CNTN1: variants seen among roughly 807,000 people sequenced by gnomAD.
CNTN1 encodes the protein contactin 1.
In CNTN1, 38 loss-of-function variants were observed where a neutral mutation model predicts 126.4. The ratio of observed to expected loss-of-function variants is 0.30; its 90% CI spans 0.23 to 0.39. CNTN1 has a LOEUF of 0.39. CNTN1 is among the 10% of genes least tolerant of loss of function. CNTN1 has a pLI of 1.00. For synonymous variants in CNTN1, 413 were observed against 422.6 expected, an observed-to-expected ratio of 0.98 and a Z score of 0.28; for missense variants, 1,009 against 1,248.4, an observed-to-expected ratio of 0.81 and a Z score of 2.89.
intron 17 of CNTN1, among the ~76,000 whole-genome samples, chr12:41,002,395 G>A (rs1048212255): frequency 6.6e-6 from 1 of 151,954 alleles, no homozygotes; most frequent in Admixed American, 6.6e-5. Context: ...TCTTTTTGTG[G>A]AAATTATAAA....
chr12:40,869,077 T>C (rs965283398), intron 1 of CNTN1, among the ~76,000 whole-genome samples: 9 of 151,928 alleles, frequency 5.9e-5, no homozygotes, highest in Non-Finnish European at 1.2e-4. Context: ...TTCTATTAAT[T>C]TTGAATAAAA....
In CNTN1 at chr12:41,025,269, C is replaced by T. The variant is rs780080017; in HGVS notation, c.2643C>T (p.Val881=). 9 of 1,613,850 alleles carry T rather than the reference C, an allele frequency of 5.6e-6. 1 individual carries two copies. The South Asian group carries it at 7.7e-5, about 14-fold the overall frequency. ...LLPDTQYFIE[V]GACNSAGCGP... ...CAGACACCCAGTATTTTATAGAAGT[C>T]GGGGCCTGCAATAGTGCAGGGTGTG... The change falls in exon 21 of 24, where the codon GTC becomes GTT. Residue 881 remains valine (V), a synonymous_variant. Transcript: ENST00000551295.
chr12:40,861,143 C>T (rs982378260), intron 1 of CNTN1, among the ~76,000 whole-genome samples: 3 of 151,992 alleles, frequency 2.0e-5, no homozygotes, highest in Non-Finnish European at 4.4e-5. Context: ...TTAATTGAAG[C>T]CTATTTGCTA....
intron 1 of CNTN1, among the ~76,000 whole-genome samples, chr12:40,825,149 T>C (rs73118729): frequency 0.018 from 2,763 of 152,256 alleles, 77 homozygotes; most frequent in African/African-American, 0.063. Context: ...GAATGGGCTA[T>C]GTTAGAGAGT....
intron 23 of CNTN1, among the ~76,000 whole-genome samples, chr12:41,033,948 G>T (rs1949201736): frequency 6.6e-6 from 1 of 151,958 alleles, no homozygotes; most frequent in African/African-American, 2.4e-5. Context: ...TACTCGGGAG[G>T]CTGAGGCAGG....
At chr12:40,788,175 C>T (rs779949337) in intron 1 of CNTN1, among the ~76,000 whole-genome samples, 22 of 152,124 alleles carry the variant, frequency 1.4e-4, no homozygotes, top group Admixed American at 2.6e-4. Context: ...ATGTTATCTG[C>T]CCTGCTTCCA....
intron 1 of CNTN1, among the ~76,000 whole-genome samples, chr12:40,738,364 C>G (rs1475224215): frequency 6.6e-6 from 1 of 151,856 alleles, no homozygotes; most frequent in East Asian, 1.9e-4. Flanking sequence ...CTAATAAAAT[C>G]AAGTCCATTA....
chr12:41,002,558 C>CTTTTTTTT (rs1360030646), intron 17 of CNTN1, among the ~76,000 whole-genome samples: 1 of 134,598 alleles, frequency 7.4e-6, no homozygotes. Context: ...GGGTTTCTTT[C>CTTTTTTTT]TTTTTTTTTT....
chr12:40,721,569 A>G (rs1347249995), intron 1 of CNTN1, among the ~76,000 whole-genome samples: 1 of 150,810 alleles, frequency 6.6e-6, no homozygotes, highest in Non-Finnish European at 1.5e-5. Flanking sequence ...TTATTATTAT[A>G]CTTTAAGTTT....
At chr12:40,911,670 T>G (rs1945043056) in intron 3 of CNTN1, among the ~76,000 whole-genome samples, 1 of 152,228 alleles carries the variant, frequency 6.6e-6, no homozygotes, top group Non-Finnish European at 1.5e-5. Flanking sequence ...CTGGCAGCAG[T>G]GCTGCAGTTC....
intron 23 of CNTN1, among the ~76,000 whole-genome samples, chr12:41,068,205 C>T (rs1950088512): frequency 6.6e-6 from 1 of 152,104 alleles, no homozygotes; most frequent in African/African-American, 2.4e-5. Context: ...CTCATTTTAC[C>T]TGACTCAGTT....
intron 1 of CNTN1, among the ~76,000 whole-genome samples, chr12:40,763,554 A>G (rs1938950817): frequency 6.6e-6 from 1 of 152,162 alleles, no homozygotes; most frequent in Admixed American, 6.5e-5. Context: ...AAAGAATGTC[A>G]CTGTGGCTAG....
intron 1 of CNTN1, among the ~76,000 whole-genome samples, chr12:40,772,418 A>C (rs533507282): frequency 6.6e-6 from 1 of 152,054 alleles, no homozygotes; most frequent in South Asian, 2.1e-4. Flanking sequence ...GAGAAGTTAA[A>C]GCCAGAGAAT....
intron 1 of CNTN1, among the ~76,000 whole-genome samples, chr12:40,774,785 T>G (rs894147287): frequency 1.3e-5 from 2 of 151,438 alleles, no homozygotes; most frequent in Non-Finnish European, 3.0e-5. Flanking sequence ...TTATTACCTT[T>G]CTCTAGTTTT....
intron 16 of CNTN1, among the ~76,000 whole-genome samples, chr12:40,983,789 G>T (rs1947880384): frequency 6.9e-6 from 1 of 145,692 alleles, no homozygotes; most frequent in Non-Finnish European, 1.5e-5. Context: ...TAGTAATATA[G>T]TTATATATTA....
intron 1 of CNTN1, among the ~76,000 whole-genome samples, chr12:40,821,240 A>G (rs1941431671): frequency 6.6e-6 from 1 of 152,216 alleles, no homozygotes. Flanking sequence ...GCTCTTCCTT[A>G]ATATGTATCC....
intron 1 of CNTN1, among the ~76,000 whole-genome samples, chr12:40,810,741 G>T (rs1427904018): frequency 2.6e-5 from 4 of 152,082 alleles, no homozygotes; most frequent in Non-Finnish European, 5.9e-5. Flanking sequence ...AATTGAGCTG[G>T]AATAGTGGCT....
At chr12:40,870,321 A>G (rs962183273) in intron 1 of CNTN1, among the ~76,000 whole-genome samples, 1 of 152,180 alleles carries the variant, frequency 6.6e-6, no homozygotes, top group African/African-American at 2.4e-5. Flanking sequence ...GGGACTACTC[A>G]TGGCAGAATC....
intron 1 of CNTN1, among the ~76,000 whole-genome samples, chr12:40,737,496 T>C (rs368226783): frequency 2.6e-5 from 4 of 151,582 alleles, no homozygotes; most frequent in African/African-American, 9.7e-5. Flanking sequence ...TGGAGTCCGA[T>C]GTTCAAGGAC....
Sources: gnomAD v4.1 joint callset for allele counts (sites outside exome capture counted in the v4.1 genomes callset) on GRCh38, gnomAD v4.1.1 for gene constraint, MANE v1.5 for transcripts, NCBI Gene and HGNC (gene_info 2026-07-23, HGNC 2026-07-21) for gene names.